The following ZNF100 variants were observed in gnomAD, a reference collection of about 807,000 sequenced individuals.
The protein encoded by ZNF100 is zinc finger protein 100.
In ZNF100, 12 loss-of-function variants were observed where a neutral mutation model predicts 15.8. The observed-to-expected ratio is 0.76, with a 90% CI of 0.49 to 1.23. The LOEUF (loss-of-function observed/expected upper bound fraction) is 1.23, where lower values mean the gene tolerates loss of function less well. ZNF100 is among the 50% of genes most tolerant of loss of function. The probability of loss-of-function intolerance (pLI) is 0.00; values close to 1 mark genes in which losing one functional copy is unlikely to be tolerated. For missense variants in ZNF100, 670 were observed against 635.6 expected, an observed-to-expected ratio of 1.05 and a Z score of -0.58; for synonymous variants, 226 against 214.8, an observed-to-expected ratio of 1.05 and a Z score of -0.45.
intron 3 of ZNF100, 63 bp from the exon 4 acceptor site, chr19:21,744,178 G>A (rs1464562961): frequency 5.1e-6 from 7 of 1,364,410 alleles, no homozygotes; most frequent in Non-Finnish European, 6.8e-6. Flanking sequence ...CTAGTACTAT[G>A]CTTAGTAAAG....
At chr19:21,736,341 T>G (rs2036008746) in intron 4 of ZNF100, among the ~76,000 whole-genome samples, 1 of 152,102 alleles carries the variant, frequency 6.6e-6, no homozygotes, top group South Asian at 2.1e-4. Context: ...TGCCTTGGCC[T>G]CCCAAAATGC....
At chr19:21,739,184 T>C (rs1277997653) in intron 4 of ZNF100, among the ~76,000 whole-genome samples, 4 of 152,184 alleles carry the variant, frequency 2.6e-5, no homozygotes, top group Non-Finnish European at 5.9e-5. Flanking sequence ...AACAGACATG[T>C]ACAAAATTTT....
At chr19:21,735,605 T>C (rs956752501) in intron 4 of ZNF100, among the ~76,000 whole-genome samples, 3 of 149,504 alleles carry the variant, frequency 2.0e-5, no homozygotes, top group Non-Finnish European at 3.0e-5. Context: ...ACGACACACA[T>C]AGCCTCAAAA....
At chr19:21,740,002 T>A (rs1441777739) in intron 4 of ZNF100, among the ~76,000 whole-genome samples, 5 of 152,214 alleles carry the variant, frequency 3.3e-5, no homozygotes, top group African/African-American at 1.2e-4. Context: ...TTAAAATTTT[T>A]AAATGTGATT....
chr19:21,754,169 C>G (rs2036355465), intron 2 of ZNF100, among the ~76,000 whole-genome samples: 1 of 151,148 alleles, frequency 6.6e-6, no homozygotes, highest in Non-Finnish European at 1.5e-5. Context: ...CTGCAATTTC[C>G]ATCATTTTTA....
intron 2 of ZNF100, among the ~76,000 whole-genome samples, chr19:21,755,551 T>C (rs1447517940): frequency 1.3e-5 from 2 of 151,978 alleles, no homozygotes; most frequent in African/African-American, 4.8e-5. Flanking sequence ...TAGACCAGAA[T>C]TACCATTTGA....
intron 4 of ZNF100, among the ~76,000 whole-genome samples, chr19:21,734,261 C>T (rs139454573): frequency 8.1e-4 from 123 of 152,286 alleles, no homozygotes; most frequent in Admixed American, 1.2e-3. Flanking sequence ...TAATAATGAA[C>T]TTCAGTGAGC....
At chr19:21,764,312 A>C (rs2036526348) in intron 2 of ZNF100, among the ~76,000 whole-genome samples, 1 of 152,166 alleles carries the variant, frequency 6.6e-6, no homozygotes, top group African/African-American at 2.4e-5. Flanking sequence ...AGGGAAGGGA[A>C]TTTTAAGGTG....
At chr19:21,729,469 AACG>A in intron 4 of ZNF100, among the ~76,000 whole-genome samples, 1 of 152,004 alleles carries the variant, frequency 6.6e-6, no homozygotes. Flanking sequence ...ACCTAATGTA[AACG>A]ACGAGTTAAT....
intron 2 of ZNF100, among the ~76,000 whole-genome samples, chr19:21,764,642 G>GA (rs538300546): frequency 1.9e-3 from 235 of 125,420 alleles, no homozygotes; most frequent in African/African-American, 2.7e-3. Flanking sequence ...TCCGTGTGGG[G>GA]AAAAAAAAAA....
chr19:21,761,317 A>G (rs1037853391), intron 2 of ZNF100, among the ~76,000 whole-genome samples: 12 of 152,328 alleles, frequency 7.9e-5, no homozygotes, highest in Admixed American at 4.6e-4. Flanking sequence ...CTGAACTTAA[A>G]ACAATTTAGT....
At chr19:21,752,600 A>C (rs891768243) in intron 2 of ZNF100, 3 of 152,626 alleles carry the variant, frequency 2.0e-5, no homozygotes, top group African/African-American at 7.2e-5. Flanking sequence ...ATTGGGGTCC[A>C]TGTTGCATTT....
At position 21,765,795 on chromosome 19, in the gene ZNF100, G is replaced by T; in HGVS notation, c.4-9C>A. ...CCATACCTCGGGTCATCCTACGGGA[G>T]AAAATAAACCAGAAGCTGACATTCA... On this transcript the variant is annotated splice_polypyrimidine_tract_variant and intron_variant, in intron 1 of 4. Transcript: ENST00000358296. The T allele has an allele frequency of 6.2e-7, 1 of 1,613,602 alleles. No homozygotes were observed. The highest frequency in any genetic ancestry group is 1.1e-5 in the South Asian group (1 of 91,050).
intron 4 of ZNF100, among the ~76,000 whole-genome samples, chr19:21,735,911 CCTGAGCAG>C (rs1332332674): frequency 2.0e-5 from 3 of 152,096 alleles, no homozygotes. Flanking sequence ...GCCTCAGCCT[CCTGAGCAG>C]CTGGGACTAC....
intron 2 of ZNF100, among the ~76,000 whole-genome samples, chr19:21,760,149 TCTAGC>T (rs1425326739): frequency 6.9e-6 from 1 of 144,748 alleles, no homozygotes; most frequent in African/African-American, 2.5e-5. Context: ...GCCATTGTAC[TCTAGC>T]CTGAGCAAAA....
At chr19:21,733,200 GATGCACAT>G (rs1437595568) in intron 4 of ZNF100, among the ~76,000 whole-genome samples, 5 of 152,206 alleles carry the variant, frequency 3.3e-5, no homozygotes, top group African/African-American at 1.2e-4. Flanking sequence ...CTATCATAAT[GATGCACAT>G]AAAACCCTTA....
chr19:21,759,592 A>C (rs1227363640), intron 2 of ZNF100, among the ~76,000 whole-genome samples: 1 of 152,220 alleles, frequency 6.6e-6, no homozygotes, highest in African/African-American at 2.4e-5. Context: ...AGGTCAGCAC[A>C]AGATACAGGT....
chr19:21,767,362 T>G lies in ZNF100; in HGVS notation c.3+65A>C, dbSNP rs550558225. On this transcript the variant is annotated intron_variant, in intron 1 of 4. Coordinates refer to ENST00000358296, the MANE Select transcript of ZNF100 (RefSeq NM_173531.4). The stretch of plus-strand genomic sequence containing the variant: ...GGAGAGGCCTGAGTCCCGCCACAGC[T>G]ACTTCCCACCAGTTCCAACCAGCCC... 4 of 1,609,686 alleles carry G rather than the reference T, an allele frequency of 2.5e-6. No homozygotes were observed. The African/African-American group carries it at 4.0e-5, about 16-fold the overall frequency.
chr19:21,737,638 T>G (rs1470594794), intron 4 of ZNF100, among the ~76,000 whole-genome samples: 1 of 146,580 alleles, frequency 6.8e-6, no homozygotes, highest in East Asian at 2.0e-4. Context: ...AAGAAATGGA[T>G]AAATTACTGG....
Sources: gnomAD v4.1 joint callset for allele counts (sites outside exome capture counted in the v4.1 genomes callset) on GRCh38, gnomAD v4.1.1 for gene constraint, MANE v1.5 for transcripts, NCBI Gene and HGNC (gene_info 2026-07-23, HGNC 2026-07-21) for gene names.